The following ROS1 variants were observed in gnomAD, a reference collection of about 807,000 sequenced individuals.
The protein encoded by ROS1 is ROS proto-oncogene 1, receptor tyrosine kinase.
Under a neutral mutation model 273.5 loss-of-function variants are expected in ROS1, and 263 were observed. The ratio of observed to expected loss-of-function variants is 0.96; its 90% CI spans 0.87 to 1.06. The LOEUF (loss-of-function observed/expected upper bound fraction) is 1.06, where lower values mean the gene tolerates loss of function less well. Ranked by LOEUF, ROS1 falls within the 50% of genes least tolerant of loss-of-function variation. The probability of loss-of-function intolerance (pLI) is 0.00; values close to 1 mark genes in which losing one functional copy is unlikely to be tolerated. For synonymous variants in ROS1, 1,008 were observed against 954.1 expected, an observed-to-expected ratio of 1.06 and a Z score of -1.04; for missense variants, 2,833 against 2,751.1, an observed-to-expected ratio of 1.03 and a Z score of -0.67.
chr6:117,368,689 G>T (rs774764457), intron 18 of ROS1, among the ~76,000 whole-genome samples: 1 of 151,958 alleles, frequency 6.6e-6, no homozygotes, highest in Non-Finnish European at 1.5e-5. Context: ...TATGAATCAC[G>T]TATAATATAT....
At chr6:117,309,791 G>C (rs1775392931) in intron 41 of ROS1, among the ~76,000 whole-genome samples, 2 of 151,930 alleles carry the variant, frequency 1.3e-5, no homozygotes, top group Non-Finnish European at 2.9e-5. Flanking sequence ...TAATTCCTAA[G>C]TACCAATTCC....
At chr6:117,406,277 T>G (rs887731224) in intron 5 of ROS1, among the ~76,000 whole-genome samples, 1 of 152,166 alleles carries the variant, frequency 6.6e-6, no homozygotes, top group African/African-American at 2.4e-5. Context: ...TTATTAGCTA[T>G]TACCATTTTC....
At chr6:117,406,028 C>G (rs867527836) in intron 5 of ROS1, among the ~76,000 whole-genome samples, 2 of 152,208 alleles carry the variant, frequency 1.3e-5, no homozygotes, top group South Asian at 2.1e-4. Context: ...TGGCTCATGC[C>G]TAGCTACTCA....
At chr6:117,315,467 C>A (rs1346188555) in intron 39 of ROS1, among the ~76,000 whole-genome samples, 1 of 151,720 alleles carries the variant, frequency 6.6e-6, no homozygotes, top group East Asian at 1.9e-4. Flanking sequence ...GGGGAGGAGG[C>A]AAAAAACAGA....
At position 117,357,799 on chromosome 6, in the gene ROS1, C is replaced by T; in HGVS notation, c.3839+5G>A. On this transcript the variant is annotated splice_donor_5th_base_variant and intron_variant, in intron 25 of 43. Coordinates refer to ENST00000368507, the MANE Select transcript of ROS1 (RefSeq NM_001378902.1). ...CAATATAAAAAAATACTTGCATTTACATACCTTAAAAGAGGATATACAGAA... is the reference window on the plus strand; with the variant it reads ...CAATATAAAAAAATACTTGCATTTATATACCTTAAAAGAGGATATACAGAA... 1 of 1,557,308 alleles carries T rather than the reference C, an allele frequency of 6.4e-7. No individual in the cohort carries two copies. The highest frequency in any genetic ancestry group is 2.3e-5 in the East Asian group (1 of 44,402).
In ROS1 at chr6:117,425,530, T is replaced by C; in HGVS notation, c.123+4A>G. The stretch of plus-strand genomic sequence containing the variant: ...AAAGACAAATATTAGATTGTGAGAC[T>C]TACCAGATTAGTTACACACGACTTT... On this transcript the variant is annotated splice_donor_region_variant and intron_variant, in intron 1 of 43. Coordinates refer to ENST00000368507, the MANE Select transcript of ROS1 (RefSeq NM_001378902.1). 20 of 1,587,612 alleles carry C rather than the reference T, an allele frequency of 1.3e-5. No homozygotes were observed. The highest frequency in any genetic ancestry group is 1.7e-5 in the Non-Finnish European group (20 of 1,171,320).
chr6:117,417,330 C>T (rs1301704848), intron 2 of ROS1, among the ~76,000 whole-genome samples: 2 of 152,066 alleles, frequency 1.3e-5, no homozygotes, highest in African/African-American at 2.4e-5. Context: ...TCTCTCACCC[C>T]ACTCTCCCCT....
rs541692242 is a variant in ROS1, at chr6:117,315,938, A to G, written c.6117+1205T>C. ...CAATTCAGTTGGGGAGTTTACGTAT[A>G]TAAAAACTAAAATGAAAACAAGAGA... On this transcript the variant is annotated intron_variant, in intron 39 of 43. Transcript: ENST00000368507. 4.1e-4 allele frequency among the ~76,000 whole-genome samples: 63 copies of G among 152,328 alleles called. 1 individual carries two copies. In the South Asian group the frequency reaches 8.5e-3, roughly 21 times the overall value.
chr6:117,358,211 T>C (rs772981130), intron 24 of ROS1, among the ~76,000 whole-genome samples: 1 of 151,810 alleles, frequency 6.6e-6, no homozygotes, highest in Admixed American at 6.6e-5. Context: ...TGGCTTTAAC[T>C]GCAATCTACA....
intron 28 of ROS1, 89 bp downstream of exon 28, chr6:117,343,971 C>A: frequency 9.0e-7 from 1 of 1,111,514 alleles, no homozygotes; most frequent in South Asian, 1.4e-5. Context: ...CATTTCAGAA[C>A]ATATAGGAAA....
In ROS1 at chr6:117,365,644, A is replaced by G. The variant is rs756900916; in HGVS notation, c.2895T>C (p.Asn965=). The part of the protein sequence containing the change: ...GNASSFQILW[N]GPPAVDWGVV... The stretch of plus-strand genomic sequence containing the variant: ...CACCCCAGTCTACCGCAGGGGGACC[A>G]TTCCACAGGATTTGAAAACTTGAAG... Residue 965 remains asparagine, a synonymous_variant, in exon 20 of 44, where the codon AAT becomes AAC. Coordinates refer to ENST00000368507, the MANE Select transcript of ROS1 (RefSeq NM_001378902.1). 1 of 1,612,804 alleles carries G rather than the reference A, an allele frequency of 6.2e-7. No individual in the cohort carries two copies. Among genetic ancestry groups the G allele is most frequent in the East Asian group, 2.2e-5 (1 of 44,862 alleles).
intron 18 of ROS1, among the ~76,000 whole-genome samples, chr6:117,374,465 A>G (rs1315225992): frequency 1.3e-5 from 2 of 152,342 alleles, no homozygotes; most frequent in East Asian, 1.9e-4. Flanking sequence ...TGCCTTATAC[A>G]AAAATCAACT....
intron 12 of ROS1, among the ~76,000 whole-genome samples, chr6:117,392,048 G>A (rs1773110208): frequency 6.6e-6 from 1 of 152,126 alleles, no homozygotes; most frequent in African/African-American, 2.4e-5. Context: ...TTGAATGATC[G>A]ATTAGTGGGT....
chr6:117,360,054 G>T (rs2128649333), intron 23 of ROS1, 43 bp from the exon 24 acceptor site: 2 of 1,510,952 alleles, frequency 1.3e-6, no homozygotes, highest in South Asian at 1.2e-5. Flanking sequence ...TGAGAAAACT[G>T]ACTTTAGCTT....
At chr6:117,299,383 C>T (rs1316320617) in intron 43 of ROS1, 1 of 151,560 alleles carries the variant, frequency 6.6e-6, no homozygotes, top group Non-Finnish European at 1.5e-5. Flanking sequence ...GGTGATCTCA[C>T]TTCAACATCT....
intron 6 of ROS1, among the ~76,000 whole-genome samples, 176 bp downstream of exon 6, chr6:117,404,104 G>T (rs369266507): frequency 6.6e-6 from 1 of 152,148 alleles, no homozygotes; most frequent in African/African-American, 2.4e-5. Flanking sequence ...GCGCGATGGC[G>T]GGCGCCTGTG....
At chr6:117,306,574 T>C (rs1775120303) in intron 42 of ROS1, among the ~76,000 whole-genome samples, 1 of 152,126 alleles carries the variant, frequency 6.6e-6, no homozygotes, top group Non-Finnish European at 1.5e-5. Context: ...GGCATTCCAT[T>C]AATAGCTGAG....
chr6:117,408,349 A>G (rs1218173947), intron 5 of ROS1, among the ~76,000 whole-genome samples: 1 of 152,170 alleles, frequency 6.6e-6, no homozygotes, highest in Non-Finnish European at 1.5e-5. Context: ...TCTACAACGA[A>G]CTCAAACAAA....
At chr6:117,331,532 CA>C (rs1420506768) in intron 32 of ROS1, among the ~76,000 whole-genome samples, 1 of 151,982 alleles carries the variant, frequency 6.6e-6, no homozygotes, top group Admixed American at 6.5e-5. Context: ...CCCCAAGACA[CA>C]TAATCATCAG....
Sources: gnomAD v4.1 joint callset for allele counts (sites outside exome capture counted in the v4.1 genomes callset) on GRCh38, gnomAD v4.1.1 for gene constraint, MANE v1.5 for transcripts, NCBI Gene and HGNC (gene_info 2026-07-23, HGNC 2026-07-21) for gene names.